The following ACRBP variants were observed in gnomAD, a reference collection of about 807,000 sequenced individuals.
ACRBP encodes acrosin-binding protein.
ACRBP carries 52 observed loss-of-function variants against 69.0 expected under a neutral mutation model. The ratio of observed to expected loss-of-function variants is 0.75; its 90% CI spans 0.60 to 0.95. ACRBP has a LOEUF of 0.95. Among genes scored for constraint, ACRBP ranks in the 40% least tolerant of loss-of-function variants. ACRBP has a pLI of 0.00. For missense variants in ACRBP, 604 were observed against 673.0 expected, an observed-to-expected ratio of 0.90 and a Z score of 1.13; for synonymous variants, 267 against 258.9, an observed-to-expected ratio of 1.03 and a Z score of -0.30.
In ACRBP at chr12:6,644,491, T is replaced by G. The variant is rs773515146; in HGVS notation, c.590A>C (p.Gln197Pro). 17 of 1,613,978 alleles carry G rather than the reference T, an allele frequency of 1.1e-5. No homozygotes were observed. Among genetic ancestry groups the G allele is most frequent in the Admixed American group, 1.0e-4 (6 of 59,978 alleles). Residue 197 changes from glutamine (Q) to proline (P), a missense_variant, in exon 5 of 10, where the codon CAG (glutamine) becomes CCG (proline). Around this residue, in one of 3 missense-constraint regions of ACRBP, gnomAD observed 532 missense variants for 562.9 expected, o/e 0.95. Coordinates refer to ENST00000229243, the MANE Select transcript of ACRBP (RefSeq NM_032489.3). ...CTGCCTGTGCTCCACTCCTTGCTCC[T>G]GCTTGTGCTCTGGCGCTTGCTCCTG... ...GGQEQAPEHK[Q>P]EQGVEHRQEP...
intron 9 of ACRBP, 26 bp downstream of exon 9, chr12:6,638,928 A>T (rs1244376409): frequency 6.2e-7 from 1 of 1,610,438 alleles, no homozygotes; most frequent in Non-Finnish European, 8.5e-7. Flanking sequence ...TGCTGGGAGA[A>T]GGAGGGGCAG....
intron 3 of ACRBP, 48 bp downstream of exon 3, chr12:6,646,435 C>A: frequency 6.4e-7 from 1 of 1,554,468 alleles, no homozygotes; most frequent in Non-Finnish European, 8.9e-7. Context: ...GCTGCCGCCT[C>A]TCCCTTGGCC....
At position 6,644,434 on chromosome 12, in the gene ACRBP, C is replaced by T; in HGVS notation, c.647G>A (p.Gly216Glu). ...CTCTTCTTGCTCTTCCTGTTTCTGCCCCTCTTCCTGCTTGTGTTCTTGTGT... is the reference window on the plus strand; with the variant it reads ...CTCTTCTTGCTCTTCCTGTTTCTGCTCCTCTTCCTGCTTGTGTTCTTGTGT... ...EPTQEHKQEE[G>E]QKQEEQEEEQ... is the part of the protein sequence containing the mutation. Residue 216 changes from glycine (G) to glutamate (E), a missense_variant, in exon 5 of 10, where the codon GGG (glycine) becomes GAG (glutamate). Transcript: ENST00000229243. The T allele has an allele frequency of 1.2e-6, 2 of 1,614,058 alleles. No individual in the cohort carries two copies. The highest frequency in any genetic ancestry group is 8.5e-7 in the Non-Finnish European group (1 of 1,180,010).
chr12:6,645,424 T>C (rs1248279102), intron 3 of ACRBP, 87 bp from the exon 4 acceptor site: 3 of 1,021,852 alleles, frequency 2.9e-6, no homozygotes, highest in Non-Finnish European at 4.6e-6. Flanking sequence ...TTCCAGCATG[T>C]CTTATCTCTC....
intron 9 of ACRBP, 47 bp from the exon 10 acceptor site, chr12:6,638,451 C>T: frequency 6.2e-7 from 1 of 1,612,124 alleles, no homozygotes; most frequent in Non-Finnish European, 8.5e-7. Context: ...GAGCCAGGTG[C>T]CAGGAGTGGG....
intron 3 of ACRBP, 66 bp downstream of exon 3, chr12:6,646,417 T>A: frequency 6.9e-7 from 1 of 1,449,932 alleles, no homozygotes. Context: ...CTTCCTCAAC[T>A]CCCCACTGCT....
intron 9 of ACRBP, 132 bp downstream of exon 9, chr12:6,638,822 C>G: frequency 6.6e-7 from 1 of 1,522,562 alleles, no homozygotes; most frequent in South Asian, 1.3e-5. Context: ...GTGGAGGCCT[C>G]TGCCCCAGAG....
chr12:6,638,232 T>A lies in ACRBP; in HGVS notation c.*50A>T, dbSNP rs1008989760. The A allele has an allele frequency of 3.1e-6, 5 of 1,604,384 alleles. No homozygotes were observed. The highest frequency in any genetic ancestry group is 4.3e-6 in the Non-Finnish European group (5 of 1,173,504). On this transcript the variant is annotated 3_prime_UTR_variant, in exon 10 of 10. Transcript: ENST00000229243. ...TGAAAGCAATGGGGTCTCAAAACAATAGAGAACGTGGGCAGGTTGGGCTGG... is the reference window on the plus strand; with the variant it reads ...TGAAAGCAATGGGGTCTCAAAACAAAAGAGAACGTGGGCAGGTTGGGCTGG...
rs745904260 is a variant in ACRBP, at chr12:6,638,959, G to A, written c.1504C>T (p.Arg502Trp). The A allele has an allele frequency of 2.4e-5, 38 of 1,613,808 alleles. No individual in the cohort carries two copies. In the East Asian group the frequency reaches 4.9e-4, roughly 21 times the overall value. The change falls in exon 9 of 10, where the codon CGG (arginine) becomes TGG (tryptophan). Residue 502 changes from arginine to tryptophan, a missense_variant. Coordinates refer to ENST00000229243, the MANE Select transcript of ACRBP (RefSeq NM_032489.3). ...SQQCLMRNRNRKVSRMRCLQN... is the reference protein window; with the variant it reads ...SQQCLMRNRNWKVSRMRCLQN... ...GGCAGGGCAGGGGTGCTCACCTTCC[G>A]ATTGCGGTTTCTCATCAGACACTGC...
intron 6 of ACRBP, among the ~76,000 whole-genome samples, chr12:6,641,636 G>A (rs566657365): frequency 1.4e-4 from 22 of 152,200 alleles, no homozygotes; most frequent in South Asian, 4.2e-4. Context: ...GAACCTCACC[G>A]ACCACACTCC....
intron 6 of ACRBP, among the ~76,000 whole-genome samples, chr12:6,641,348 A>G (rs542466862): frequency 2.0e-5 from 3 of 152,246 alleles, no homozygotes; most frequent in South Asian, 2.1e-4. Context: ...AGTGCATGCA[A>G]TCTCCTATGG....
chr12:6,643,514 C>T (rs773139542), intron 6 of ACRBP, 25 bp downstream of exon 6: 12 of 1,613,508 alleles, frequency 7.4e-6, no homozygotes, highest in South Asian at 5.5e-5. Context: ...TGGCATGTAT[C>T]CATTAGACAG....
intron 4 of ACRBP, 29 bp from the exon 5 acceptor site, chr12:6,644,634 G>A: frequency 1.3e-6 from 2 of 1,574,818 alleles, no homozygotes; most frequent in South Asian, 1.2e-5. Context: ...AGAAGGGAGA[G>A]AGACAGTCAG....
chr12:6,640,270 C>T lies in ACRBP; in HGVS notation c.1258-43G>A. 1 of 1,612,770 alleles carries T rather than the reference C, an allele frequency of 6.2e-7. No individual in the cohort carries two copies. Among genetic ancestry groups the T allele is most frequent in the Non-Finnish European group, 8.5e-7 (1 of 1,178,982 alleles). On this transcript the variant is annotated intron_variant, in intron 7 of 9. Transcript: ENST00000229243. This position sits in a 1 kb window ranked among gnomAD's most constrained non-coding sequence, Gnocchi z 5.3. ...GGGGAGAGGTGCGTGCCCCTCCCCA[C>T]CTGCTGGCCACCACCACCCCACCCC...
rs757869254 is a variant in ACRBP at position 6,638,447 on chromosome 12, G to A, written c.1510-43C>T. On this transcript the variant is annotated intron_variant, in intron 9 of 9. Coordinates refer to ENST00000229243, the MANE Select transcript of ACRBP (RefSeq NM_032489.3). ...GCAGACGGTCTGTATCACAGAGCCA[G>A]GTGCCAGGAGTGGGGAGGAGGGGAG... 3 of 1,612,578 alleles carry A rather than the reference G, an allele frequency of 1.9e-6. No homozygotes were observed. In the South Asian group the frequency reaches 3.3e-5, roughly 18 times the overall value.
intron 4 of ACRBP, among the ~76,000 whole-genome samples, chr12:6,644,808 C>A (rs1949076734): frequency 6.6e-6 from 1 of 152,148 alleles, no homozygotes; most frequent in South Asian, 2.1e-4. Context: ...ATCACCTTCC[C>A]ACCTCCCTGG....
At chr12:6,644,639 A>G (rs767695387) in intron 4 of ACRBP, 34 bp from the exon 5 acceptor site, 1 of 1,569,346 alleles carries the variant, frequency 6.4e-7, no homozygotes, top group Admixed American at 1.9e-5. Context: ...GGAGAGAGAC[A>G]GTCAGGCTTC....
In ACRBP at chr12:6,639,053, G is replaced by C. The variant is rs1234155016; in HGVS notation, c.1426-16C>G. The C allele has an allele frequency of 6.2e-7, 1 of 1,609,772 alleles. No homozygotes were observed. Among genetic ancestry groups the C allele is most frequent in the Non-Finnish European group, 8.5e-7 (1 of 1,176,026 alleles). ...TGTCACAAATCTAAGCCAAGAGCCAGAGAGAGGGAAGAGGGTATCAGAAGC... is the reference window on the plus strand; with the variant it reads ...TGTCACAAATCTAAGCCAAGAGCCACAGAGAGGGAAGAGGGTATCAGAAGC... On this transcript the variant is annotated splice_polypyrimidine_tract_variant and intron_variant, in intron 8 of 9. Transcript: ENST00000229243.
At chr12:6,639,756 TTTGA>T (rs1383977136) in intron 8 of ACRBP, among the ~76,000 whole-genome samples, 3 of 152,208 alleles carry the variant, frequency 2.0e-5, no homozygotes, top group Non-Finnish European at 4.4e-5. Context: ...GAGATGACTC[TTTGA>T]TTGAGTAGGA....
Sources: gnomAD v4.1 joint callset for allele counts (sites outside exome capture counted in the v4.1 genomes callset) on GRCh38, gnomAD v4.1.1 for gene constraint, gnomAD v4.1.1 regional missense constraint, Gnocchi (gnomAD v3.1) non-coding constraint, MANE v1.5 for transcripts, NCBI Gene and HGNC (gene_info 2026-07-23, HGNC 2026-07-21) for gene names.